TYW1: variants seen among roughly 807,000 people sequenced by gnomAD.
TYW1 encodes the protein tRNA-yW synthesizing protein 1 homolog, also known as S-adenosyl-L-methionine-dependent tRNA 4-demethylwyosine synthase TYW1.
A neutral mutation model predicts 96.2 loss-of-function variants in TYW1; 46 were observed. The ratio of observed to expected loss-of-function variants is 0.48; its 90% confidence interval spans 0.38 to 0.61. The LOEUF (loss-of-function observed/expected upper bound fraction) is 0.61. TYW1 is among the 20% of genes least tolerant of loss of function. The pLI, the probability that TYW1 is intolerant of heterozygous loss-of-function variation, is 0.00. For synonymous variants in TYW1, 274 were observed against 323.0 expected (o/e 0.85, Z 1.63); for missense variants, 684 against 909.6 (o/e 0.75, Z 3.19).
At chr7:67,114,553 A>G (rs887503578) in intron 12 of TYW1, among the ~76,000 whole-genome samples, 2 of 152,192 alleles carry the variant, frequency 1.3e-5, no homozygotes, top group Non-Finnish European at 2.9e-5. Context: ...AAGGTTGTCT[A>G]TCTTAAATAT....
intron 4 of TYW1, among the ~76,000 whole-genome samples, chr7:67,012,356 A>C (rs1584460918): frequency 6.6e-6 from 1 of 152,134 alleles, no homozygotes; most frequent in African/African-American, 2.4e-5. Context: ...TCAAAAAAAA[A>C]CCGCAAAAAG....
chr7:67,137,830 T>C (rs1798314525), intron 13 of TYW1, among the ~76,000 whole-genome samples: 1 of 152,244 alleles, frequency 6.6e-6, no homozygotes, highest in Non-Finnish European at 1.5e-5. Flanking sequence ...TTTTCTCATC[T>C]CTGTGGTGCT....
Position 66,998,121 on chromosome 7 carries a change from AG to A in TYW1, c.63del (p.Arg21SerfsTer41), listed in dbSNP as rs1451795535. 4 of 1,612,524 alleles carry A rather than the reference AG, an allele frequency of 2.5e-6. No homozygotes were observed. Among genetic ancestry groups the A allele is most frequent in the South Asian group, 1.1e-5 (1 of 90,530 alleles). ...FSPLISLWIN[R>X]FYIYLGFAVS... The stretch of plus-strand genomic sequence containing the variant: ...ACCTTTAATATCATTATGGATAAAC[AG>A]GTTTTACATTTATTTGGGCTTTGCT... On this transcript the variant is annotated frameshift_variant, in exon 2 of 16. Transcript: ENST00000359626. LOFTEE classifies it high-confidence loss of function.
chr7:67,056,253 G>C (rs1584508411), intron 9 of TYW1, among the ~76,000 whole-genome samples: 1 of 152,264 alleles, frequency 6.6e-6, no homozygotes, highest in Non-Finnish European at 1.5e-5. Context: ...AGCACTTTCG[G>C]AGGCCAGGTG....
At chr7:67,139,921 T>G (rs1798389659) in intron 13 of TYW1, among the ~76,000 whole-genome samples, 1 of 152,116 alleles carries the variant, frequency 6.6e-6, no homozygotes, top group Non-Finnish European at 1.5e-5. Flanking sequence ...TGTTAGTCCA[T>G]TTTCATGCTG....
chr7:67,006,948 C>CTTTTTTTTTTTTTTTTTT (rs34475001), intron 3 of TYW1, among the ~76,000 whole-genome samples: 2 of 45,142 alleles, frequency 4.4e-5, no homozygotes, highest in Non-Finnish European at 7.4e-5. Context: ...AGATGTGAGG[C>CTTTTTTTTTTTTTTTTTT]TTTTTTTTTT....
At chr7:67,180,424 A>ATATAT (rs1341437613) in intron 13 of TYW1, among the ~76,000 whole-genome samples, 3 of 81,914 alleles carry the variant, frequency 3.7e-5, no homozygotes, top group Non-Finnish European at 5.4e-5. Flanking sequence ...ATATATATAT[A>ATATAT]ATTTTTTTTT....
chr7:67,126,197 T>G (rs576752964), intron 13 of TYW1, among the ~76,000 whole-genome samples: 1 of 148,260 alleles, frequency 6.7e-6, no homozygotes, highest in South Asian at 2.1e-4. Flanking sequence ...GGATGAGAGT[T>G]CTGTCACTGT....
At chr7:67,142,977 C>CCG (rs1798498279) in intron 13 of TYW1, among the ~76,000 whole-genome samples, 1 of 150,506 alleles carries the variant, frequency 6.6e-6, no homozygotes, top group Admixed American at 6.7e-5. Context: ...CTCTTGAACC[C>CCG]GGGGGGCGGA....
intron 11 of TYW1, among the ~76,000 whole-genome samples, chr7:67,086,006 T>A (rs1395679728): frequency 1.3e-5 from 2 of 152,162 alleles, no homozygotes; most frequent in African/African-American, 4.8e-5. Context: ...TTATACTTTT[T>A]TTCTTTATGA....
intron 7 of TYW1, among the ~76,000 whole-genome samples, chr7:67,032,046 A>G (rs1403554805): frequency 6.6e-6 from 1 of 151,864 alleles, no homozygotes; most frequent in Non-Finnish European, 1.5e-5. Context: ...TCAATATCAT[A>G]AACAATAACA....
chr7:67,137,153 C>T (rs903105115), intron 13 of TYW1, among the ~76,000 whole-genome samples: 7 of 151,958 alleles, frequency 4.6e-5, no homozygotes, highest in Non-Finnish European at 8.8e-5. Flanking sequence ...GGTTGGGAAT[C>T]GGTTGTTTCA....
chr7:67,095,834 T>C (rs1312229640), intron 11 of TYW1, among the ~76,000 whole-genome samples: 3 of 152,096 alleles, frequency 2.0e-5, no homozygotes, highest in Non-Finnish European at 4.4e-5. Flanking sequence ...ATAAAATCAC[T>C]TTCTGAAAAC....
intron 15 of TYW1, among the ~76,000 whole-genome samples, chr7:67,219,490 A>T (rs892861714): frequency 6.6e-6 from 1 of 152,192 alleles, no homozygotes; most frequent in African/African-American, 2.4e-5. Context: ...GTTTTGTAGA[A>T]TTCACAAGTG....
intron 14 of TYW1, among the ~76,000 whole-genome samples, chr7:67,188,423 C>T (rs1020559577): frequency 1.3e-5 from 2 of 152,162 alleles, no homozygotes; most frequent in African/African-American, 4.8e-5. Flanking sequence ...TCAAACCTCT[C>T]TAAGGATTAA....
chr7:67,014,497 T>C lies in TYW1; in HGVS notation c.506T>C (p.Leu169Pro), dbSNP rs766226559. The C allele has an allele frequency of 1.9e-6, 3 of 1,613,988 alleles. No homozygotes were observed. Among genetic ancestry groups the C allele is most frequent in the Non-Finnish European group, 2.5e-6 (3 of 1,179,860 alleles). The change falls in exon 5 of 16, where the codon CTG becomes CCG. Residue 169 changes from leucine to proline, a missense_variant. By Grantham distance (98) the Leu-to-Pro change is moderately conservative (BLOSUM62 -3). Coordinates refer to ENST00000359626, the MANE Select transcript of TYW1 (RefSeq NM_018264.4). The stretch of plus-strand genomic sequence containing the variant: ...GATTTTCGATTTGGCAAAACTTACC[T>C]GAAGGGTATGAGATATGCGGTATTT... The part of the protein sequence containing the change: ...SIDFRFGKTY[L>P]KGMRYAVFGL...
At position 67,049,930 on chromosome 7, in the gene TYW1, C is replaced by G. The variant is rs370455693; in HGVS notation, c.985-19C>G. The stretch of plus-strand genomic sequence containing the variant: ...CACATTACCAATTCTGGATTTCATT[C>G]TTTTTTATTTTAATGCAGAGAGAAA... On this transcript the variant is annotated intron_variant, in intron 7 of 15. Coordinates refer to ENST00000359626, the MANE Select transcript of TYW1 (RefSeq NM_018264.4). 1.4e-5 allele frequency: 23 copies of G among 1,613,116 alleles called. No individual in the cohort carries two copies. In the African/African-American group the frequency reaches 2.8e-4, roughly 20 times the overall value.
At chr7:67,031,214 A>C (rs1794664397) in intron 7 of TYW1, among the ~76,000 whole-genome samples, 1 of 143,410 alleles carries the variant, frequency 7.0e-6, no homozygotes, top group Admixed American at 7.0e-5. Flanking sequence ...AAAAAAAATC[A>C]GTCTGTGTGC....
intron 13 of TYW1, among the ~76,000 whole-genome samples, chr7:67,167,106 A>G (rs1477359791): frequency 1.3e-5 from 2 of 152,134 alleles, no homozygotes; most frequent in African/African-American, 4.8e-5. Context: ...GACTTTTGAT[A>G]AGAAGTAGCC....
Sources: allele counts gnomAD v4.1 joint callset (sites outside exome capture counted in the v4.1 genomes callset), GRCh38; gene constraint gnomAD v4.1.1; transcripts MANE v1.5; gene names NCBI Gene and HGNC (gene_info 2026-07-23, HGNC 2026-07-21).